The following NELL1 variants were observed in gnomAD, a reference collection of about 807,000 sequenced individuals.
The protein encoded by NELL1 is neural EGFL like 1, also known as protein kinase C-binding protein NELL1.
NELL1 carries 76 observed loss-of-function variants against 107.4 expected under a neutral mutation model. The ratio of observed to expected loss-of-function variants is 0.71; its 90% CI spans 0.59 to 0.86. NELL1 has a LOEUF of 0.86. NELL1 is among the 40% of genes least tolerant of loss of function. The probability of loss-of-function intolerance (pLI) is 0.00; values close to 1 mark genes in which losing one functional copy is unlikely to be tolerated. For synonymous variants in NELL1, 353 were observed against 341.2 expected, an observed-to-expected ratio of 1.03 and a Z score of -0.38; for missense variants, 1,024 against 1,005.5, an observed-to-expected ratio of 1.02 and a Z score of -0.25.
At chr11:20,930,217 A>G (rs1054685246) in intron 9 of NELL1, among the ~76,000 whole-genome samples, 1 of 152,200 alleles carries the variant, frequency 6.6e-6, no homozygotes. Flanking sequence ...ATAAAGATCA[A>G]GATGGAAAGT....
At chr11:20,965,554 A>C (rs530812145) in intron 12 of NELL1, among the ~76,000 whole-genome samples, 53 of 152,294 alleles carry the variant, frequency 3.5e-4, no homozygotes, top group Non-Finnish European at 6.9e-4. Flanking sequence ...TAAGCCTAAT[A>C]ATGTATAGGT....
At chr11:20,702,070 G>A (rs1358128022) in intron 2 of NELL1, among the ~76,000 whole-genome samples, 12 of 152,078 alleles carry the variant, frequency 7.9e-5, no homozygotes, top group Non-Finnish European at 5.9e-5. Context: ...GCTTGATGGG[G>A]ATGGCATTGA....
At chr11:21,478,636 A>G (rs1854408924) in intron 15 of NELL1, among the ~76,000 whole-genome samples, 1 of 152,048 alleles carries the variant, frequency 6.6e-6, no homozygotes, top group African/African-American at 2.4e-5. Context: ...TTCTTGAGTA[A>G]TACCCCACAA....
intron 2 of NELL1, among the ~76,000 whole-genome samples, chr11:20,733,923 A>G (rs945140836): frequency 2.6e-5 from 4 of 151,496 alleles, no homozygotes; most frequent in African/African-American, 7.4e-5. Flanking sequence ...ACAAATAAAT[A>G]TATAATAAGA....
intron 2 of NELL1, among the ~76,000 whole-genome samples, chr11:20,776,343 G>T (rs1349909994): frequency 2.6e-5 from 4 of 152,130 alleles, no homozygotes; most frequent in Non-Finnish European, 5.9e-5. Flanking sequence ...GGAGGCTGAG[G>T]CAGGAGAATC....
At chr11:21,294,543 A>T (rs1849336229) in intron 14 of NELL1, among the ~76,000 whole-genome samples, 1 of 152,082 alleles carries the variant, frequency 6.6e-6, no homozygotes, top group Non-Finnish European at 1.5e-5. Context: ...TATAGTTATT[A>T]TGCATTATTG....
intron 14 of NELL1, among the ~76,000 whole-genome samples, chr11:21,276,115 C>A (rs2133941035): frequency 6.6e-6 from 1 of 152,254 alleles, no homozygotes; most frequent in Admixed American, 6.5e-5. Context: ...CAAATTGTCC[C>A]TGTTTGCAGA....
intron 13 of NELL1, among the ~76,000 whole-genome samples, chr11:21,137,950 C>T (rs184413852): frequency 6.6e-6 from 1 of 152,090 alleles, no homozygotes; most frequent in African/African-American, 2.4e-5. Context: ...CCAGCGCTAC[C>T]CTATGTAAAT....
chr11:20,808,968 C>A (rs1857442732), intron 3 of NELL1, among the ~76,000 whole-genome samples: 1 of 152,134 alleles, frequency 6.6e-6, no homozygotes, highest in Admixed American at 6.6e-5. Context: ...GATTGGTCAC[C>A]TGATTTTGGG....
intron 12 of NELL1, among the ~76,000 whole-genome samples, chr11:21,098,816 C>T (rs1208196451): frequency 6.6e-6 from 1 of 152,076 alleles, no homozygotes; most frequent in Non-Finnish European, 1.5e-5. Flanking sequence ...ACCCTTCTCT[C>T]TCTCTCTGTC....
intron 14 of NELL1, among the ~76,000 whole-genome samples, chr11:21,243,450 T>C (rs1212612823): frequency 6.6e-6 from 1 of 152,112 alleles, no homozygotes; most frequent in Non-Finnish European, 1.5e-5. Context: ...AACTCTGTTT[T>C]ACAGATAAGA....
intron 3 of NELL1, among the ~76,000 whole-genome samples, chr11:20,824,107 C>T (rs1857820656): frequency 6.6e-6 from 1 of 151,100 alleles, no homozygotes; most frequent in Admixed American, 6.7e-5. Flanking sequence ...TCCCCCCATG[C>T]TGTTCTCATG....
intron 15 of NELL1, among the ~76,000 whole-genome samples, chr11:21,449,982 C>A (rs1425917828): frequency 1.3e-5 from 2 of 152,120 alleles, no homozygotes; most frequent in Non-Finnish European, 1.5e-5. Context: ...GTAGAGTTAG[C>A]CCTCTTTGTT....
intron 12 of NELL1, among the ~76,000 whole-genome samples, chr11:21,108,897 T>C (rs1304497228): frequency 6.6e-6 from 1 of 152,154 alleles, no homozygotes; most frequent in Non-Finnish European, 1.5e-5. Context: ...GATCTATTTG[T>C]TTCCATACAC....
chr11:21,191,089 C>A (rs1237105322), intron 13 of NELL1, among the ~76,000 whole-genome samples: 2 of 151,752 alleles, frequency 1.3e-5, no homozygotes, highest in Admixed American at 1.3e-4. Flanking sequence ...CTGTGGTAGG[C>A]AAAATAATTC....
At chr11:21,390,484 C>T (rs1851846650) in intron 15 of NELL1, among the ~76,000 whole-genome samples, 2 of 150,190 alleles carry the variant, frequency 1.3e-5, no homozygotes, top group Admixed American at 1.3e-4. Context: ...CTTTTTTCGA[C>T]CGCTCATCCA....
intron 15 of NELL1, among the ~76,000 whole-genome samples, chr11:21,447,407 G>A (rs1397880870): frequency 6.6e-6 from 1 of 152,136 alleles, no homozygotes; most frequent in Admixed American, 6.5e-5. Context: ...GCATGTCTCA[G>A]AATCTCACTC....
At chr11:21,100,219 C>T (rs1374016821) in intron 12 of NELL1, among the ~76,000 whole-genome samples, 5 of 151,980 alleles carry the variant, frequency 3.3e-5, no homozygotes, top group African/African-American at 9.7e-5. Flanking sequence ...GGTTTCGCCA[C>T]GTTGCCCAGG....
intron 15 of NELL1, among the ~76,000 whole-genome samples, chr11:21,485,056 G>A (rs1449803165): frequency 6.6e-6 from 1 of 152,052 alleles, no homozygotes; most frequent in African/African-American, 2.4e-5. Context: ...GTGACGTCAG[G>A]GTTTCATATA....
Sources: gnomAD v4.1 joint callset for allele counts (sites outside exome capture counted in the v4.1 genomes callset) on GRCh38, gnomAD v4.1.1 for gene constraint, MANE v1.5 for transcripts, NCBI Gene and HGNC (gene_info 2026-07-23, HGNC 2026-07-21) for gene names.